Variants in SUMF1 observed in about 807,000 individuals in gnomAD.
The protein encoded by SUMF1 is formylglycine-generating enzyme.
SUMF1 carries 48 observed loss-of-function variants against 47.6 expected under a neutral mutation model. That is an observed-to-expected ratio of 1.01 (90% CI 0.80 to 1.28). The LOEUF is 1.28. SUMF1 is among the 50% of genes most tolerant of loss of function. SUMF1 has a pLI of 0.00. For missense variants in SUMF1, 571 were observed against 485.4 expected (o/e 1.18, Z -1.66); for synonymous variants, 230 against 192.1 (o/e 1.20, Z -1.63).
chr3:4,108,167 C>T (rs1160209325), intron 8 of SUMF1, among the ~76,000 whole-genome samples: 1 of 152,008 alleles, frequency 6.6e-6, no homozygotes, highest in Non-Finnish European at 1.5e-5. Flanking sequence ...TTATTTCTGC[C>T]TTCATTTCGT....
At chr3:4,378,374 A>G (rs958221682) in intron 7 of SUMF1, among the ~76,000 whole-genome samples, 1 of 152,242 alleles carries the variant, frequency 6.6e-6, no homozygotes, top group African/African-American at 2.4e-5. Context: ...GCACAATTGT[A>G]AACTCAAAAA....
intron 8 of SUMF1, among the ~76,000 whole-genome samples, chr3:4,157,175 G>T (rs1318278482): frequency 6.6e-6 from 1 of 151,518 alleles, no homozygotes; most frequent in African/African-American, 2.4e-5. Flanking sequence ...ATAATTCACA[G>T]AATAGGTTAT....
At chr3:4,344,889 A>T (rs183823283) in intron 8 of SUMF1, among the ~76,000 whole-genome samples, 1 of 152,120 alleles carries the variant, frequency 6.6e-6, no homozygotes, top group Non-Finnish European at 1.5e-5. Context: ...TGAAGCATAC[A>T]CAAGTGTCAA....
At chr3:4,340,907 T>G (rs749084829) in intron 8 of SUMF1, among the ~76,000 whole-genome samples, 1 of 152,192 alleles carries the variant, frequency 6.6e-6, no homozygotes, top group Non-Finnish European at 1.5e-5. Context: ...AAGTTGCAAA[T>G]GTTTTAAAAA....
intron 4 of SUMF1, among the ~76,000 whole-genome samples, chr3:4,418,617 G>A (rs1430212323): frequency 6.6e-6 from 1 of 152,200 alleles, no homozygotes; most frequent in Admixed American, 6.5e-5. Context: ...GAGCTTGGTT[G>A]GACCTGCATT....
At chr3:4,041,798 T>C (rs1694911586) in intron 9 of SUMF1, among the ~76,000 whole-genome samples, 1 of 152,196 alleles carries the variant, frequency 6.6e-6, no homozygotes, top group Admixed American at 6.5e-5. Flanking sequence ...TTTTGCCTTT[T>C]TCACAGAGAG....
intron 8 of SUMF1, among the ~76,000 whole-genome samples, chr3:4,262,298 G>A (rs897087543): frequency 6.6e-6 from 1 of 152,084 alleles, no homozygotes; most frequent in African/African-American, 2.4e-5. Context: ...TAGCCACACT[G>A]CAAGGCTTAT....
chr3:4,349,866 G>A (rs1158144571), intron 8 of SUMF1, among the ~76,000 whole-genome samples: 1 of 151,814 alleles, frequency 6.6e-6, no homozygotes, highest in African/African-American at 2.4e-5. Context: ...GAAGTTGGAG[G>A]ATGGGTCAAT....
downstream of SUMF1, among the ~76,000 whole-genome samples, chr3:4,359,661 G>A (rs553090483): frequency 1.3e-5 from 2 of 152,214 alleles, no homozygotes; most frequent in East Asian, 3.9e-4. Context: ...TGAGCAATGG[G>A]GGAAAAGCCC....
At chr3:4,371,007 T>C (rs1435751609) in intron 8 of SUMF1, among the ~76,000 whole-genome samples, 2 of 152,186 alleles carry the variant, frequency 1.3e-5, no homozygotes, top group Non-Finnish European at 1.5e-5. Flanking sequence ...GTCAGGGCCA[T>C]CACTTGAGAA....
chr3:4,308,093 G>A (rs1698262327), intron 8 of SUMF1, among the ~76,000 whole-genome samples: 1 of 152,090 alleles, frequency 6.6e-6, no homozygotes, highest in South Asian at 2.1e-4. Flanking sequence ...CCCAGTATGT[G>A]CATATTGCAG....
chr3:4,069,843 C>A (rs1695476548), intron 8 of SUMF1, among the ~76,000 whole-genome samples: 1 of 152,138 alleles, frequency 6.6e-6, no homozygotes, highest in Admixed American at 6.5e-5. Context: ...TTTGAAATTA[C>A]CCTGAAAAGT....
At chr3:4,332,489 T>C (rs1175851764) in intron 8 of SUMF1, among the ~76,000 whole-genome samples, 2 of 152,298 alleles carry the variant, frequency 1.3e-5, no homozygotes, top group Non-Finnish European at 2.9e-5. Flanking sequence ...AAAAGTTCAA[T>C]TAAGAGACCA....
intron 8 of SUMF1, among the ~76,000 whole-genome samples, chr3:4,175,730 C>T (rs1322763267): frequency 4.6e-5 from 7 of 152,126 alleles, no homozygotes; most frequent in Admixed American, 6.5e-5. Flanking sequence ...TCAGTAATAA[C>T]AAACTTCTCC....
intron 8 of SUMF1, among the ~76,000 whole-genome samples, chr3:4,108,061 C>T (rs1450846713): frequency 2.0e-5 from 3 of 152,178 alleles, no homozygotes; most frequent in Non-Finnish European, 4.4e-5. Flanking sequence ...ATATCGAAGG[C>T]TAGAACAGTG....
rs143398271 is a variant in SUMF1 at position 4,374,106 on chromosome 3, T to C, written c.1014+2224A>G. Among the ~76,000 whole-genome samples, 15 of 152,316 alleles carry C rather than the reference T, an allele frequency of 9.8e-5. No homozygotes were observed. In the East Asian group the frequency reaches 2.3e-3, roughly 23 times the overall value. The stretch of plus-strand genomic sequence containing the variant: ...ATCCAATTTTGAAAAACTGAATGTT[T>C]ATTCCCTAAGATCAAGAATGAGGTA... On this transcript the variant is annotated intron_variant, in intron 8 of 8. Coordinates refer to ENST00000272902, the MANE Select transcript of SUMF1 (RefSeq NM_182760.4).
chr3:4,349,368 G>A (rs913754995), intron 8 of SUMF1, among the ~76,000 whole-genome samples: 7 of 152,190 alleles, frequency 4.6e-5, no homozygotes, highest in Admixed American at 2.6e-4. Flanking sequence ...AAGTAGGAAC[G>A]TGTTTACATT....
chr3:4,155,660 C>A (rs1166066041), intron 8 of SUMF1, among the ~76,000 whole-genome samples: 1 of 151,486 alleles, frequency 6.6e-6, no homozygotes, highest in Non-Finnish European at 1.5e-5. Flanking sequence ...CTAGCCTTCA[C>A]AACAAATCTG....
At chr3:4,310,761 G>T (rs968048783) in intron 8 of SUMF1, among the ~76,000 whole-genome samples, 1 of 151,944 alleles carries the variant, frequency 6.6e-6, no homozygotes. Context: ...GATTTTAAAA[G>T]AAGTTATCCA....
Sources: allele counts gnomAD v4.1 joint callset (sites outside exome capture counted in the v4.1 genomes callset), GRCh38; gene constraint gnomAD v4.1.1; transcripts MANE v1.5; gene names NCBI Gene and HGNC (gene_info 2026-07-23, HGNC 2026-07-21).